The following SAMMSON variants were observed in gnomAD, a reference collection of about 807,000 sequenced individuals.
The protein encoded by SAMMSON is survival associated mitochondrial melanoma specific oncogenic non-coding RNA, also known as long intergenic non-protein coding RNA 1212.
chr3:70,408,237 G>C (rs937873017), intron 2 of SAMMSON, among the ~76,000 whole-genome samples: 3 of 152,212 alleles, frequency 2.0e-5, no homozygotes, highest in Admixed American at 1.3e-4. Context: ...ACATGCCCTG[G>C]AGACATTTTC....
At chr3:70,406,071 A>T (rs1308269097) in intron 2 of SAMMSON, among the ~76,000 whole-genome samples, 1 of 152,210 alleles carries the variant, frequency 6.6e-6, no homozygotes, top group Non-Finnish European at 1.5e-5. Flanking sequence ...TCACACAAAA[A>T]AAATGTAAAC....
chr3:70,398,518 ACAC>A (rs1426047180), intron 2 of SAMMSON, among the ~76,000 whole-genome samples: 1 of 152,188 alleles, frequency 6.6e-6, no homozygotes, highest in Non-Finnish European at 1.5e-5. Flanking sequence ...TCTGAACAGC[ACAC>A]ATCTTTGTGT....
At chr3:70,105,412 G>T (rs774232008) in intron 4 of SAMMSON, among the ~76,000 whole-genome samples, 1 of 152,166 alleles carries the variant, frequency 6.6e-6, no homozygotes, top group Non-Finnish European at 1.5e-5. Flanking sequence ...TGAGTACATA[G>T]AACGGTTTTA....
At chr3:70,346,534 C>T (rs1702751564) in intron 7 of SAMMSON, among the ~76,000 whole-genome samples, 2 of 151,994 alleles carry the variant, frequency 1.3e-5, no homozygotes, top group South Asian at 4.1e-4. Flanking sequence ...TTAAACTTTC[C>T]TCCATACTAT....
intron 4 of SAMMSON, chr3:70,125,880 A>T: frequency 1.5e-6 from 1 of 686,828 alleles, no homozygotes; most frequent in Non-Finnish European, 2.6e-6. Context: ...CACTGCTGTC[A>T]TCTTCTAATT....
intron 4 of SAMMSON, among the ~76,000 whole-genome samples, chr3:70,081,341 C>T (rs1055379727): frequency 2.0e-5 from 3 of 152,314 alleles, no homozygotes; most frequent in Admixed American, 1.3e-4. Context: ...TCTCCATCTC[C>T]TGACCTCGTG....
chr3:70,291,136 C>A (rs1702235135), intron 6 of SAMMSON: 1 of 152,126 alleles, frequency 6.6e-6, no homozygotes, highest in Non-Finnish European at 1.5e-5. Flanking sequence ...AGCAGTTTTA[C>A]CATAAAAAGT....
intron 4 of SAMMSON, among the ~76,000 whole-genome samples, chr3:70,209,228 T>C (rs1701319037): frequency 6.6e-6 from 1 of 152,066 alleles, no homozygotes; most frequent in Non-Finnish European, 1.5e-5. Flanking sequence ...GGAGAGATTG[T>C]AGGATGTTTA....
chr3:70,423,537 A>G (rs897699152), intron 2 of SAMMSON, among the ~76,000 whole-genome samples: 2 of 152,162 alleles, frequency 1.3e-5, no homozygotes, highest in Non-Finnish European at 2.9e-5. Flanking sequence ...TGAACTTCCA[A>G]TCAGTGATGA....
Position 70,122,337 on chromosome 3 carries a change from C to T in SAMMSON, n.507+50772C>T, listed in dbSNP as rs896683643. 7.9e-5 allele frequency among the ~76,000 whole-genome samples: 12 copies of T among 152,204 alleles called. 1 individual carries two copies. In the South Asian group the frequency reaches 2.1e-3, roughly 26 times the overall value. ...CCTCTTGAGTAGCTGGGACTACAGG[C>T]GTGTCCACTAAGCCCAGCTAATTAT... On this transcript the variant is annotated intron_variant and non_coding_transcript_variant, in intron 4 of 9. Transcript: ENST00000642114.
intron 6 of SAMMSON, among the ~76,000 whole-genome samples, chr3:70,270,381 T>A (rs923567998): frequency 2.6e-5 from 4 of 152,180 alleles, no homozygotes; most frequent in African/African-American, 7.2e-5. Context: ...TTAAATTTTT[T>A]AAAAAGAAAA....
At chr3:70,075,729 G>A (rs1249017477) in intron 4 of SAMMSON, among the ~76,000 whole-genome samples, 1 of 152,058 alleles carries the variant, frequency 6.6e-6, no homozygotes, top group Non-Finnish European at 1.5e-5. Flanking sequence ...ATTCTGAAAA[G>A]CAAGGAAAAG....
rs550618821 is a variant in SAMMSON, at chr3:70,349,493, A to G, written n.740-4682A>G. 4.1e-4 allele frequency among the ~76,000 whole-genome samples: 63 copies of G among 152,332 alleles called. 1 individual carries two copies. The South Asian group carries it at 5.8e-3, about 14-fold the overall frequency. On this transcript the variant is annotated intron_variant and non_coding_transcript_variant, in intron 7 of 9. Transcript: ENST00000642114. The stretch of plus-strand genomic sequence containing the variant: ...CTCATTACAGTTAGAATCTAATAGG[A>G]TAAAATGTGTTCATATATATTTTCT...
At chr3:70,296,770 A>G (rs1420671807) in intron 7 of SAMMSON, among the ~76,000 whole-genome samples, 6 of 152,064 alleles carry the variant, frequency 3.9e-5, no homozygotes. Context: ...AAGCCCGACT[A>G]TCAGCTTTCT....
At chr3:70,116,018 GAA>G (rs1180982536) in intron 4 of SAMMSON, among the ~76,000 whole-genome samples, 2 of 90,202 alleles carry the variant, frequency 2.2e-5, no homozygotes, top group African/African-American at 9.5e-5. Flanking sequence ...ATATGTACCA[GAA>G]TTCTACATGT....
intron 4 of SAMMSON, among the ~76,000 whole-genome samples, chr3:70,219,823 C>G (rs1462944607): frequency 6.6e-6 from 1 of 152,006 alleles, no homozygotes; most frequent in Non-Finnish European, 1.5e-5. Flanking sequence ...CAAAATGATG[C>G]CAAACTCAAA....
intron 2 of SAMMSON, among the ~76,000 whole-genome samples, chr3:70,409,399 T>G (rs1319636286): frequency 4.6e-5 from 7 of 152,108 alleles, no homozygotes; most frequent in Non-Finnish European, 8.8e-5. Flanking sequence ...ACACAACGTT[T>G]TTTGCATACA....
chr3:70,240,186 A>G (rs1196017870), intron 4 of SAMMSON, among the ~76,000 whole-genome samples: 1 of 152,072 alleles, frequency 6.6e-6, no homozygotes, highest in African/African-American at 2.4e-5. Context: ...TTAGATAACC[A>G]TTGTAATTCA....
intron 2 of SAMMSON, among the ~76,000 whole-genome samples, chr3:70,422,967 ATATT>A (rs1221438418): frequency 6.6e-6 from 1 of 152,004 alleles, no homozygotes; most frequent in Non-Finnish European, 1.5e-5. Flanking sequence ...TATGTTTTGT[ATATT>A]TATAATAAAA....
Sources: gnomAD v4.1 joint callset for allele counts (sites outside exome capture counted in the v4.1 genomes callset) on GRCh38, gnomAD v4.1.1 for gene constraint, MANE v1.5 for transcripts, NCBI Gene and HGNC (gene_info 2026-07-23, HGNC 2026-07-21) for gene names.